The following FRS2 variants were observed in gnomAD, a reference collection of about 807,000 sequenced individuals.
The protein encoded by FRS2 is fibroblast growth factor receptor substrate 2.
A neutral mutation model predicts 43.9 loss-of-function variants in FRS2; 8 were observed. The ratio of observed to expected loss-of-function variants is 0.18; its 90% CI spans 0.11 to 0.33. FRS2 has a LOEUF of 0.33. FRS2 is among the 10% of genes least tolerant of loss of function. The pLI, the probability that FRS2 is intolerant of heterozygous loss-of-function variation, is 1.00. For synonymous variants in FRS2, 219 were observed against 220.3 expected (o/e 0.99, Z 0.05); for missense variants, 534 against 627.6 (o/e 0.85, Z 1.59).
intron 3 of FRS2, among the ~76,000 whole-genome samples, chr12:69,554,872 CT>C (rs747422811): frequency 1.7e-3 from 226 of 133,316 alleles, no homozygotes; most frequent in East Asian, 9.8e-3. Context: ...GCCCAGCTAA[CT>C]TTTTTTTTTT....
chr12:69,477,472 C>T (rs866929552), intron 1 of FRS2, among the ~76,000 whole-genome samples: 16 of 150,788 alleles, frequency 1.1e-4, no homozygotes, highest in Middle Eastern at 3.4e-3. Flanking sequence ...TTAGTAGAAA[C>T]GGGGTTTCAC....
chr12:69,513,726 C>G (rs1874695625), intron 1 of FRS2, among the ~76,000 whole-genome samples: 1 of 151,914 alleles, frequency 6.6e-6, no homozygotes, highest in South Asian at 2.1e-4. Flanking sequence ...TAAAAATGAC[C>G]CTTGGGGGTG....
chr12:69,537,923 T>C (rs960882394), intron 3 of FRS2: 3 of 152,518 alleles, frequency 2.0e-5, no homozygotes, highest in Non-Finnish European at 4.4e-5. Context: ...CAGGAGATTT[T>C]CTTCTTTCTA....
intron 3 of FRS2, among the ~76,000 whole-genome samples, chr12:69,539,028 C>T (rs1593014499): frequency 6.6e-6 from 1 of 152,044 alleles, no homozygotes; most frequent in South Asian, 2.1e-4. Flanking sequence ...TTATCCTTAT[C>T]CTTATCCTAA....
chr12:69,566,919 A>G (rs1880349292), intron 4 of FRS2, among the ~76,000 whole-genome samples: 1 of 152,170 alleles, frequency 6.6e-6, no homozygotes, highest in South Asian at 2.1e-4. Context: ...CCTGTAGTCC[A>G]GTCATACTGA....
At chr12:69,476,589 A>C (rs1592902528) in intron 1 of FRS2, among the ~76,000 whole-genome samples, 1 of 152,162 alleles carries the variant, frequency 6.6e-6, no homozygotes, top group East Asian at 1.9e-4. Context: ...AGAATAGTGC[A>C]GCACTGTGCG....
chr12:69,570,114 T>C (rs1182837567), intron 5 of FRS2, among the ~76,000 whole-genome samples: 1 of 152,226 alleles, frequency 6.6e-6, no homozygotes, highest in Admixed American at 6.5e-5. Flanking sequence ...TCATACACTT[T>C]TGTGGTATTG....
intron 3 of FRS2, among the ~76,000 whole-genome samples, chr12:69,553,701 G>A (rs929614040): frequency 1.3e-5 from 2 of 152,206 alleles, no homozygotes; most frequent in African/African-American, 4.8e-5. Context: ...CATGTTGCTA[G>A]ATGGCACCAG....
chr12:69,540,460 A>T (rs1369568101), intron 3 of FRS2, among the ~76,000 whole-genome samples: 1 of 152,124 alleles, frequency 6.6e-6, no homozygotes, highest in Non-Finnish European at 1.5e-5. Context: ...AAAAGAAAAT[A>T]AGTAAAGTAT....
intron 3 of FRS2, among the ~76,000 whole-genome samples, chr12:69,545,895 A>G (rs1878360546): frequency 6.6e-6 from 1 of 152,204 alleles, no homozygotes; most frequent in South Asian, 2.1e-4. Flanking sequence ...TGCTGGAGAA[A>G]CTGGATATCT....
chr12:69,537,634 G>T, intron 3 of FRS2, among the ~76,000 whole-genome samples: 1 of 150,524 alleles, frequency 6.6e-6, no homozygotes, highest in East Asian at 1.9e-4. Flanking sequence ...TTGCAGTTTT[G>T]TATAATGTAT....
In FRS2 at chr12:69,495,880, C is replaced by G. The variant is rs1432368854; in HGVS notation, c.-261+25350C>G. Among the ~76,000 whole-genome samples the G allele has an allele frequency of 2.0e-5, 3 of 152,034 alleles. No individual in the cohort carries two copies. The East Asian group carries it at 5.8e-4, about 29-fold the overall frequency. On this transcript the variant is annotated intron_variant, in intron 1 of 8. Coordinates refer to ENST00000549921, the MANE Select transcript of FRS2 (RefSeq NM_001278356.2). ...CTAGGAGATAGAGGCTTTGTGAACT[C>G]TGATAGTGCCGTTGCACTCCAGTCT...
intron 3 of FRS2, among the ~76,000 whole-genome samples, chr12:69,537,652 G>A (rs1194805642): frequency 2.0e-5 from 3 of 151,480 alleles, no homozygotes; most frequent in African/African-American, 7.3e-5. Context: ...TATTGAGGGC[G>A]TTATTTTTTT....
At chr12:69,501,869 A>G (rs1002814741) in intron 1 of FRS2, among the ~76,000 whole-genome samples, 5 of 152,180 alleles carry the variant, frequency 3.3e-5, no homozygotes, top group African/African-American at 9.7e-5. Context: ...TTTCCAGGTT[A>G]CAAGCATTCT....
At chr12:69,496,308 G>A (rs542233971) in intron 1 of FRS2, among the ~76,000 whole-genome samples, 1 of 152,238 alleles carries the variant, frequency 6.6e-6, no homozygotes, top group African/African-American at 2.4e-5. Context: ...GTGGTGGTGG[G>A]CACCTGTAAT....
chr12:69,521,637 A>C (rs1383460222), intron 1 of FRS2, among the ~76,000 whole-genome samples: 1 of 151,372 alleles, frequency 6.6e-6, no homozygotes, highest in African/African-American at 2.4e-5. Context: ...TTTTTTTGAG[A>C]TGGAGTCTCG....
chr12:69,478,061 T>G (rs1871003293), intron 1 of FRS2, among the ~76,000 whole-genome samples: 2 of 152,160 alleles, frequency 1.3e-5, no homozygotes, highest in Non-Finnish European at 1.5e-5. Flanking sequence ...TTTTAAACCC[T>G]GTGTCTGATG....
chr12:69,495,555 G>T, intron 1 of FRS2, among the ~76,000 whole-genome samples: 1 of 152,134 alleles, frequency 6.6e-6, no homozygotes, highest in East Asian at 1.9e-4. Context: ...TCGTTTGGGT[G>T]GGTAGTTCTC....
At chr12:69,480,344 A>G (rs1394974459) in intron 1 of FRS2, 1 of 152,148 alleles carries the variant, frequency 6.6e-6, no homozygotes, top group African/African-American at 2.4e-5. Flanking sequence ...AAATTTGACT[A>G]TTCTAGGTAC....
Sources: gnomAD v4.1 joint callset for allele counts (sites outside exome capture counted in the v4.1 genomes callset) on GRCh38, gnomAD v4.1.1 for gene constraint, MANE v1.5 for transcripts, NCBI Gene and HGNC (gene_info 2026-07-23, HGNC 2026-07-21) for gene names.